The following RTTN variants were observed in gnomAD, a reference collection of about 807,000 sequenced individuals.
The protein encoded by RTTN is rotatin.
A neutral mutation model predicts 269.2 loss-of-function variants in RTTN; 182 were observed. The ratio of observed to expected loss-of-function variants is 0.68; its 90% CI spans 0.60 to 0.76. The LOEUF (loss-of-function observed/expected upper bound fraction) is 0.76. Among genes scored for constraint, RTTN ranks in the 30% least tolerant of loss-of-function variants. The pLI, the probability that RTTN is intolerant of heterozygous loss-of-function variation, is 0.00. For missense variants in RTTN, 2,545 were observed against 2,608.6 expected (o/e 0.98, Z 0.53); for synonymous variants, 1,006 against 963.5 (o/e 1.04, Z -0.82).
chr18:70,137,500 A>G (rs912151879), intron 21 of RTTN, among the ~76,000 whole-genome samples: 32 of 152,064 alleles, frequency 2.1e-4, no homozygotes, highest in Admixed American at 2.1e-3. Context: ...AACAACCTTA[A>G]ACAGCTCTTC....
At chr18:70,046,924 G>A (rs992862696) in intron 40 of RTTN, among the ~76,000 whole-genome samples, 2 of 152,222 alleles carry the variant, frequency 1.3e-5, no homozygotes, top group Admixed American at 1.3e-4. Flanking sequence ...GAACCAGGAA[G>A]CATTTTCTTC....
intron 43 of RTTN, among the ~76,000 whole-genome samples, chr18:70,026,650 A>G (rs1313396764): frequency 3.3e-5 from 5 of 152,156 alleles, no homozygotes; most frequent in Admixed American, 6.5e-5. Context: ...CAAGGCAAGA[A>G]CGGCCTAATG....
At position 70,145,701 on chromosome 18, in the gene RTTN, C is replaced by A; in HGVS notation, c.2392G>T (p.Ala798Ser). ...GADTKRPLID[A>S]RVLSRVTDLF... is the part of the protein sequence containing the mutation. ...TCAGTAACTCTGGAGAGAACTCTGG[C>A]GTCTATTAGAGGACGCTTTGTATCA... is the stretch of plus-strand genomic sequence containing the variant. Residue 798 changes from alanine to serine, a missense_variant, in exon 18 of 49, where the codon GCC (alanine) becomes TCC (serine). Ala to Ser is a moderately conservative substitution (Grantham distance 99, BLOSUM62 1). Coordinates refer to ENST00000640769, the MANE Select transcript of RTTN (RefSeq NM_173630.4). 1.2e-6 allele frequency: 2 copies of A among 1,613,266 alleles called. No homozygotes were observed. The highest frequency in any genetic ancestry group is 1.7e-6 in the Non-Finnish European group (2 of 1,179,444).
At chr18:70,148,780 G>A in intron 17 of RTTN, 121 bp downstream of exon 17, 1 of 1,178,092 alleles carries the variant, frequency 8.5e-7, no homozygotes, top group Non-Finnish European at 1.2e-6. Context: ...GTTTCCTCTA[G>A]TAATGGAATA....
In RTTN at chr18:70,165,309, T is replaced by C. The variant is rs2145900041; in HGVS notation, c.1929+753A>G. On this transcript the variant is annotated intron_variant, in intron 14 of 48. Transcript: ENST00000640769. ...TTAAATTATTTAAAGATAATATTTA[T>C]ATATAAAGATACAGCTTTATAAATA... Among the ~76,000 whole-genome samples, 2 of 151,588 alleles carry C rather than the reference T, an allele frequency of 1.3e-5. 1 individual carries two copies. The highest frequency in any genetic ancestry group is 2.9e-5 in the Non-Finnish European group (2 of 67,848).
intron 32 of RTTN, among the ~76,000 whole-genome samples, chr18:70,080,783 G>T (rs1021139368): frequency 1.3e-5 from 2 of 152,130 alleles, no homozygotes; most frequent in Non-Finnish European, 2.9e-5. Context: ...CCACTACTGG[G>T]TATCTACCCA....
At chr18:70,156,628 C>T (rs2060684022) in intron 14 of RTTN, among the ~76,000 whole-genome samples, 1 of 152,188 alleles carries the variant, frequency 6.6e-6, no homozygotes, top group African/African-American at 2.4e-5. Flanking sequence ...GCTGGTTTTG[C>T]AGCTTGTGGG....
At chr18:70,040,349 A>T (rs1026111961) in intron 40 of RTTN, among the ~76,000 whole-genome samples, 1 of 152,240 alleles carries the variant, frequency 6.6e-6, no homozygotes, top group African/African-American at 2.4e-5. Context: ...AATAGATGTC[A>T]AAACAAAAAC....
In RTTN at chr18:70,168,982, A is replaced by G; in HGVS notation, c.1562T>C (p.Ile521Thr). The G allele has an allele frequency of 1.2e-6, 2 of 1,613,028 alleles. No homozygotes were observed. The highest frequency in any genetic ancestry group is 1.1e-5 in the South Asian group (1 of 90,934). Reference protein sequence around the residue: ...DMPISLEYPNIHEAVVAYLEQ... With the variant: ...DMPISLEYPNTHEAVVAYLEQ... ...CAAATAGGCCACAACAGCTTCATGA[A>G]TATTTGGATATTCCAAAGAAATAGG... The change falls in exon 12 of 49, where the codon ATT (isoleucine) becomes ACT (threonine). Residue 521 changes from isoleucine (I) to threonine (T), a missense_variant. Ile to Thr is a moderately conservative substitution (Grantham distance 89). Transcript: ENST00000640769.
At chr18:70,101,048 G>T (rs1296426180) in intron 28 of RTTN, among the ~76,000 whole-genome samples, 2 of 151,974 alleles carry the variant, frequency 1.3e-5, no homozygotes, top group African/African-American at 4.8e-5. Context: ...TTTTTTTGTT[G>T]TCTCTCTGCC....
chr18:70,157,779 T>C (rs1213929363), intron 14 of RTTN, among the ~76,000 whole-genome samples: 2 of 152,070 alleles, frequency 1.3e-5, no homozygotes, highest in Admixed American at 1.3e-4. Context: ...ACTGAACTTC[T>C]GGAAACAAAA....
At position 70,193,422 on chromosome 18, in the gene RTTN, ATAAGAC is replaced by A. The variant is rs752345906; in HGVS notation, c.867_872del (p.Leu289_Tyr291delinsPhe). On this transcript the variant is annotated inframe_deletion, in exon 8 of 49. Transcript: ENST00000640769. ...GATGAGTACCTCTTGCTTCATGACA[ATAAGAC>A]AAAGAAGAATTTTGGGAAACTGTGT... 1.3e-6 allele frequency: 2 copies of A among 1,554,012 alleles called. No individual in the cohort carries two copies.
chr18:70,155,552 C>T (rs1316523643), intron 14 of RTTN, among the ~76,000 whole-genome samples: 3 of 152,214 alleles, frequency 2.0e-5, no homozygotes, highest in East Asian at 1.9e-4. Flanking sequence ...ACTCTTGCAA[C>T]GATCCTCTAG....
intron 32 of RTTN, among the ~76,000 whole-genome samples, chr18:70,076,225 T>C (rs1015073759): frequency 6.6e-6 from 1 of 152,070 alleles, no homozygotes; most frequent in Non-Finnish European, 1.5e-5. Flanking sequence ...TGAGGATTGG[T>C]TTGAAGTTTG....
chr18:70,039,996 G>T (rs1299580044), intron 40 of RTTN, among the ~76,000 whole-genome samples: 1 of 152,000 alleles, frequency 6.6e-6, no homozygotes, highest in Non-Finnish European at 1.5e-5. Flanking sequence ...AAACTAAGAA[G>T]AAATTAACAT....
rs183973694 is a variant in RTTN at position 70,040,802 on chromosome 18, G to C, written c.5541+7169C>G. 2.1e-4 allele frequency among the ~76,000 whole-genome samples: 32 copies of C among 152,002 alleles called. 1 individual carries two copies. The highest frequency in any genetic ancestry group is 3.4e-3 in the Middle Eastern group (1 of 294). ...TCTATGACCAGAGTAGAATAAAACT[G>C]GAAATCAATAACAAGAGGAATTTTG... On this transcript the variant is annotated intron_variant, in intron 40 of 48. Coordinates refer to ENST00000640769, the MANE Select transcript of RTTN (RefSeq NM_173630.4).
chr18:70,054,318 T>C (rs2057756646), intron 37 of RTTN, 34 bp from the exon 38 acceptor site: 1 of 1,564,412 alleles, frequency 6.4e-7, no homozygotes, highest in South Asian at 1.2e-5. Context: ...AAATCAAACA[T>C]GCCATATAAA....
intron 10 of RTTN, among the ~76,000 whole-genome samples, chr18:70,182,738 T>G (rs2061448178): frequency 6.6e-6 from 1 of 152,242 alleles, no homozygotes; most frequent in South Asian, 2.1e-4. Flanking sequence ...AATATTATGT[T>G]GTAATATAAC....
At position 70,054,290 on chromosome 18, in the gene RTTN, TG is replaced by T; in HGVS notation, c.5032-7del. On this transcript the variant is annotated splice_region_variant and splice_polypyrimidine_tract_variant and intron_variant, in intron 37 of 48. Transcript: ENST00000640769. ...TATTCCAGGAGAAAGGAAACCTGTT[TG>T]AAAAGGAGACAGGGTCAAATCAAAC... 3.7e-6 allele frequency: 6 copies of T among 1,604,614 alleles called. No individual in the cohort carries two copies. The highest frequency in any genetic ancestry group is 5.1e-6 in the Non-Finnish European group (6 of 1,175,288).
Sources: allele counts gnomAD v4.1 joint callset (sites outside exome capture counted in the v4.1 genomes callset), GRCh38; gene constraint gnomAD v4.1.1; transcripts MANE v1.5; gene names NCBI Gene and HGNC (gene_info 2026-07-23, HGNC 2026-07-21).